Variants in IFT80 observed in about 807,000 individuals in gnomAD.
IFT80 encodes the protein intraflagellar transport 80.
IFT80 carries 79 observed loss-of-function variants against 107.9 expected under a neutral mutation model. The ratio of observed to expected loss-of-function variants is 0.73; its 90% CI spans 0.61 to 0.88. The LOEUF is 0.88. IFT80 is among the 40% of genes least tolerant of loss of function. The probability of loss-of-function intolerance (pLI) is 0.00; values close to 1 mark genes in which losing one functional copy is unlikely to be tolerated. For synonymous variants in IFT80, 299 were observed against 300.9 expected (o/e 0.99, Z 0.07); for missense variants, 797 against 914.2 (o/e 0.87, Z 1.65).
In IFT80 at chr3:160,349,246, G is replaced by A. The variant is rs563357651; in HGVS notation, c.777+6767C>T. ...GTGGATCACCTGAGGTCAGGAGTTC[G>A]AGACCAGTCTGGCCAACATGGAAAA... On this transcript the variant is annotated intron_variant, in intron 8 of 19. Coordinates refer to ENST00000326448, the MANE Select transcript of IFT80 (RefSeq NM_020800.3). 1.2e-4 allele frequency among the ~76,000 whole-genome samples: 19 copies of A among 152,038 alleles called. No individual in the cohort carries two copies. In the South Asian group the frequency reaches 3.5e-3, roughly 28 times the overall value.
At chr3:160,332,431 C>T (rs527785962) in intron 8 of IFT80, among the ~76,000 whole-genome samples, 1 of 152,102 alleles carries the variant, frequency 6.6e-6, no homozygotes, top group Non-Finnish European at 1.5e-5. Context: ...CTGGCAACCC[C>T]TAGTGGGGTT....
chr3:160,349,328 A>G (rs1371749084), intron 8 of IFT80, among the ~76,000 whole-genome samples: 4 of 152,082 alleles, frequency 2.6e-5, no homozygotes, highest in Admixed American at 2.0e-4. Flanking sequence ...AGGTGCCTGT[A>G]ATCCCAGCTA....
At chr3:160,380,036 C>CTTT (rs11325261) in intron 3 of IFT80, among the ~76,000 whole-genome samples, 1 of 134,168 alleles carries the variant, frequency 7.5e-6, no homozygotes. Flanking sequence ...GTCTTTTTTT[C>CTTT]TTTTTTTTTT....
At chr3:160,271,457 G>A (rs1330579911) in intron 18 of IFT80, among the ~76,000 whole-genome samples, 1 of 152,090 alleles carries the variant, frequency 6.6e-6, no homozygotes, top group African/African-American at 2.4e-5. Context: ...TGCACATAAA[G>A]GATTAACATG....
At chr3:160,352,410 C>T (rs185186395) in intron 8 of IFT80, among the ~76,000 whole-genome samples, 6 of 152,090 alleles carry the variant, frequency 3.9e-5, no homozygotes, top group East Asian at 3.9e-4. Flanking sequence ...GTATCACCTG[C>T]GTTATAGTTT....
At chr3:160,312,097 T>G (rs776545274) in intron 9 of IFT80, among the ~76,000 whole-genome samples, 17 of 152,122 alleles carry the variant, frequency 1.1e-4, no homozygotes, top group Non-Finnish European at 2.1e-4. Context: ...CAGCTGTTGT[T>G]AATTAGAACA....
intron 9 of IFT80, among the ~76,000 whole-genome samples, chr3:160,315,470 G>A (rs576920586): frequency 1.3e-5 from 2 of 152,160 alleles, no homozygotes; most frequent in Non-Finnish European, 2.9e-5. Flanking sequence ...GGAGGTATGT[G>A]TTCTTCTATC....
At chr3:160,377,695 A>T in intron 3 of IFT80, 155 bp from the exon 4 acceptor site, 1 of 484,710 alleles carries the variant, frequency 2.1e-6, no homozygotes. Flanking sequence ...AAATAGGCAC[A>T]AAAACAAAAT....
At chr3:160,312,637 A>T (rs1408820372) in intron 9 of IFT80, among the ~76,000 whole-genome samples, 5 of 55,006 alleles carry the variant, frequency 9.1e-5, no homozygotes, top group South Asian at 4.3e-4. Context: ...ATATATAATA[A>T]ATATATATTA....
intron 1 of IFT80, among the ~76,000 whole-genome samples, chr3:160,391,923 G>C (rs1026272894): frequency 6.6e-6 from 1 of 152,208 alleles, no homozygotes; most frequent in Admixed American, 6.5e-5. Context: ...GAATTATCTT[G>C]AATGTGGAGA....
At chr3:160,281,947 A>G (rs959948459) in intron 14 of IFT80, among the ~76,000 whole-genome samples, 16 of 152,188 alleles carry the variant, frequency 1.1e-4, no homozygotes, top group African/African-American at 3.9e-4. Flanking sequence ...CTTGCCCTCT[A>G]CCAAGTTTAC....
At chr3:160,353,704 A>C (rs752197334) in intron 8 of IFT80, among the ~76,000 whole-genome samples, 1 of 152,194 alleles carries the variant, frequency 6.6e-6, no homozygotes, top group Non-Finnish European at 1.5e-5. Flanking sequence ...GTGCTTGTAT[A>C]AAAAACTTCC....
Position 160,356,136 on chromosome 3 carries a change from G to T in IFT80, c.654C>A (p.Tyr218Ter). 2 of 1,613,902 alleles carry T rather than the reference G, an allele frequency of 1.2e-6. No homozygotes were observed. Among genetic ancestry groups the T allele is most frequent in the Non-Finnish European group, 1.7e-6 (2 of 1,179,878 alleles). Residue 218 changes from tyrosine to a stop codon, truncating the protein, a stop_gained, in exon 8 of 20, where the codon TAC (tyrosine) becomes TAA (stop). Coordinates refer to ENST00000326448, the MANE Select transcript of IFT80 (RefSeq NM_020800.3). LOFTEE classifies it high-confidence loss of function. ...GTTGTGAATTGTACAGTGGGCGGCC[G>T]TAACTATCCCATACCTACAAAAGCA... ...EDCKYKVWDSYGRPLYNSQPH... is the reference protein window; with the variant it reads ...EDCKYKVWDS
chr3:160,390,899 T>C (rs1028232069), intron 1 of IFT80, among the ~76,000 whole-genome samples: 1 of 152,220 alleles, frequency 6.6e-6, no homozygotes, highest in Admixed American at 6.5e-5. Flanking sequence ...GATTGGGGAC[T>C]GGCTAAAACA....
Position 160,258,518 on chromosome 3 carries a change from A to G in IFT80, c.*7T>C, listed in dbSNP as rs1177841161. 7 of 1,613,688 alleles carry G rather than the reference A, an allele frequency of 4.3e-6. No homozygotes were observed. The highest frequency in any genetic ancestry group is 5.9e-6 in the Non-Finnish European group (7 of 1,179,926). On this transcript the variant is annotated 3_prime_UTR_variant, in exon 20 of 20. Coordinates refer to ENST00000326448, the MANE Select transcript of IFT80 (RefSeq NM_020800.3). ...AAGATAAAATTTCTTAAAGATACGCATGGCATTTAGGGCTTTAAACCTATA... is the reference window on the plus strand; with the variant it reads ...AAGATAAAATTTCTTAAAGATACGCGTGGCATTTAGGGCTTTAAACCTATA...
At position 160,366,786 on chromosome 3, in the gene IFT80, T is replaced by C. The variant is rs144980764; in HGVS notation, c.440-634A>G. Among the ~76,000 whole-genome samples the C allele has an allele frequency of 5.9e-5, 9 of 152,132 alleles. No individual in the cohort carries two copies. In the East Asian group the frequency reaches 1.7e-3, roughly 29 times the overall value. The stretch of plus-strand genomic sequence containing the variant: ...TACATCATGGAAAATGGGGTATCCA[T>C]CCTCTCAAGCATTTTTCCTTTGTGT... On this transcript the variant is annotated intron_variant, in intron 5 of 19. Transcript: ENST00000326448.
At chr3:160,375,902 A>G in intron 4 of IFT80, 22 bp from the exon 5 acceptor site, 3 of 1,494,258 alleles carry the variant, frequency 2.0e-6, no homozygotes, top group Non-Finnish European at 2.8e-6. Flanking sequence ...AAAAAAAATT[A>G]ATCAGTATTT....
Position 160,366,019 on chromosome 3 carries a change from A to T in IFT80, c.549+24T>A, listed in dbSNP as rs375650185. ...TAGCAGTCAGGCAGACCCTGATAACAATTTACAAATGACTGAGAAGTACCT... is the reference window on the plus strand; with the variant it reads ...TAGCAGTCAGGCAGACCCTGATAACTATTTACAAATGACTGAGAAGTACCT... On this transcript the variant is annotated intron_variant, in intron 6 of 19. Coordinates refer to ENST00000326448, the MANE Select transcript of IFT80 (RefSeq NM_020800.3). 1.5e-5 allele frequency: 24 copies of T among 1,573,826 alleles called. No individual in the cohort carries two copies. The African/African-American group carries it at 3.2e-4, about 21-fold the overall frequency.
Position 160,381,547 on chromosome 3 carries a change from T to A in IFT80, c.215A>T (p.Lys72Met), listed in dbSNP as rs1284962205. The change falls in exon 3 of 20, where the codon AAG (lysine) becomes ATG (methionine). Residue 72 changes from lysine (K) to methionine (M), a missense_variant. Coordinates refer to ENST00000326448, the MANE Select transcript of IFT80 (RefSeq NM_020800.3). ...AAAGCTTTCTGCCTGGGTTTGTTTC[T>A]TTACACCCAAACTTTTTGGAAACCA... ...FHWFPKSLGVKKQTQAESFVL... is the reference protein window; with the variant it reads ...FHWFPKSLGVMKQTQAESFVL... 1 of 1,613,794 alleles carries A rather than the reference T, an allele frequency of 6.2e-7. No individual in the cohort carries two copies. Among genetic ancestry groups the A allele is most frequent in the African/African-American group, 1.3e-5 (1 of 74,900 alleles).
Sources: allele counts gnomAD v4.1 joint callset (sites outside exome capture counted in the v4.1 genomes callset), GRCh38; gene constraint gnomAD v4.1.1; transcripts MANE v1.5; gene names NCBI Gene and HGNC (gene_info 2026-07-23, HGNC 2026-07-21).